TRIO: variants seen among roughly 807,000 people sequenced by gnomAD.
The protein encoded by TRIO is triple functional domain protein.
In TRIO, 58 loss-of-function variants were observed where a neutral mutation model predicts 351.9. That is an observed-to-expected ratio of 0.16 (90% CI 0.13 to 0.21). The LOEUF (loss-of-function observed/expected upper bound fraction) is 0.21, where lower values mean the gene tolerates loss of function less well. Among genes scored for constraint, TRIO ranks in the 10% least tolerant of loss-of-function variants. The pLI is 1.00. For missense variants in TRIO, 3,201 were observed against 4,027.8 expected (o/e 0.79, Z 5.56); for synonymous variants, 1,758 against 1,595.7 (o/e 1.10, Z -2.42).
chr5:14,424,039 T>G (rs185504976), intron 34 of TRIO, among the ~76,000 whole-genome samples: 104 of 149,898 alleles, frequency 6.9e-4, no homozygotes, highest in African/African-American at 2.5e-3. Flanking sequence ...TGAGACCTCA[T>G]CTCTAAAAAA....
intron 11 of TRIO, among the ~76,000 whole-genome samples, chr5:14,351,492 C>T (rs1268476216): frequency 6.6e-6 from 1 of 152,142 alleles, no homozygotes; most frequent in Non-Finnish European, 1.5e-5. Context: ...CCACAAGTAC[C>T]CAGATGATTG....
At position 14,364,636 on chromosome 5, in the gene TRIO, T is replaced by C; in HGVS notation, c.2588-14T>C. ...TGCTAGCTGAATTCTAGGGTCTCCCTTTAATGTCCACAGGTGTGGAGCTGC... is the reference window on the plus strand; with the variant it reads ...TGCTAGCTGAATTCTAGGGTCTCCCCTTAATGTCCACAGGTGTGGAGCTGC... On this transcript the variant is annotated splice_polypyrimidine_tract_variant and intron_variant, in intron 14 of 56. Coordinates refer to ENST00000344204, the MANE Select transcript of TRIO (RefSeq NM_007118.4). The C allele has an allele frequency of 6.2e-7, 1 of 1,604,590 alleles. No individual in the cohort carries two copies. The highest frequency in any genetic ancestry group is 1.3e-5 in the African/African-American group (1 of 74,526).
intron 1 of TRIO, among the ~76,000 whole-genome samples, chr5:14,144,901 A>AGGAGGCGGC (rs1205292238): frequency 6.7e-6 from 1 of 150,042 alleles, no homozygotes; most frequent in Non-Finnish European, 1.5e-5. Context: ...CAGGAGGAGG[A>AGGAGGCGGC]GGAGGCGGCG....
chr5:14,390,461 TG>T (rs1746968535), intron 26 of TRIO, 161 bp downstream of exon 26: 6 of 672,000 alleles, frequency 8.9e-6, no homozygotes, highest in East Asian at 8.3e-5. Flanking sequence ...TTCAACTAAT[TG>T]TTTTTGTGGA....
At chr5:14,298,553 G>T (rs1260901715) in intron 7 of TRIO, among the ~76,000 whole-genome samples, 2 of 152,206 alleles carry the variant, frequency 1.3e-5, no homozygotes, top group Middle Eastern at 3.2e-3. Context: ...TCTAGAAACA[G>T]TCTCTGTTGA....
At position 14,498,125 on chromosome 5, in the gene TRIO, C is replaced by CAGGGGAGTGTGA; in HGVS notation, c.8084_8085insAGGGGAGTGTGA (p.Thr2695_Cys2696insGlyGluCysGlu). ...TTCGTCATTCCATTGAGTGAGGTCACGTGTGAGACAGGGGAGACCGTTGTT... is the reference window on the plus strand; with the variant it reads ...TTCGTCATTCCATTGAGTGAGGTCACAGGGGAGTGTGAGTGTGAGACAGGGGAGACCGTTGTT... On this transcript the variant is annotated inframe_insertion, in exon 52 of 57. Coordinates refer to ENST00000344204, the MANE Select transcript of TRIO (RefSeq NM_007118.4). 1 of 1,614,184 alleles carries CAGGGGAGTGTGA rather than the reference C, an allele frequency of 6.2e-7. No homozygotes were observed. Among genetic ancestry groups the CAGGGGAGTGTGA allele is most frequent in the Non-Finnish European group, 8.5e-7 (1 of 1,180,038 alleles).
At chr5:14,480,417 C>T (rs1363840113) in intron 43 of TRIO, among the ~76,000 whole-genome samples, 1 of 152,154 alleles carries the variant, frequency 6.6e-6, no homozygotes, top group Non-Finnish European at 1.5e-5. Flanking sequence ...CCACCACAGA[C>T]CTTGGAATGC....
rs1156935750 is a variant in TRIO at position 14,359,676 on chromosome 5, G to A, written c.2391+145G>A. ...TCTGCACCAGGAGGGGGTGTGGGAG[G>A]GAGAGAGGGTCCCTGGAGGCTGGAA... is the stretch of plus-strand genomic sequence containing the variant. On this transcript the variant is annotated intron_variant, in intron 13 of 56. Transcript: ENST00000344204. The A allele has an allele frequency of 4.0e-6, 4 of 1,002,004 alleles. No individual in the cohort carries two copies. In the African/African-American group the frequency reaches 4.9e-5, roughly 12 times the overall value. 62.1% of individuals were successfully genotyped at this position (1,002,004 alleles called of 1,614,324 possible). A position where few individuals can be genotyped will look rare whatever the true frequency, so the allele number is the denominator to read the frequency against.
chr5:14,377,433 A>G (rs1198380174), intron 19 of TRIO, among the ~76,000 whole-genome samples: 1 of 151,898 alleles, frequency 6.6e-6, no homozygotes, highest in Non-Finnish European at 1.5e-5. Context: ...TTTAGTAGAG[A>G]CAGAGTTTCG....
At chr5:14,439,415 T>C (rs998176823) in intron 34 of TRIO, among the ~76,000 whole-genome samples, 7 of 152,230 alleles carry the variant, frequency 4.6e-5, no homozygotes, top group African/African-American at 1.7e-4. Flanking sequence ...TTTTCTTTCA[T>C]AGAGAACTTA....
chr5:14,489,230 T>C, intron 48 of TRIO: 1 of 547,880 alleles, frequency 1.8e-6, no homozygotes, highest in East Asian at 2.9e-5. Context: ...CCTTAATTGG[T>C]TTGACTTGGT....
chr5:14,487,507 C>CGGG lies in TRIO; in HGVS notation c.6881_6882insGGG (p.Gly2298dup), dbSNP rs1756019916. On this transcript the variant is annotated inframe_insertion, in exon 48 of 57. Coordinates refer to ENST00000344204, the MANE Select transcript of TRIO (RefSeq NM_007118.4). The stretch of plus-strand genomic sequence containing the variant: ...AGTACCAGAGGAACCACAGCGGGGG[C>CGGG]GGCGGCGGCGGCGGCAGCGGGGGCA... The CGGG allele has an allele frequency of 3.3e-6, 3 of 916,886 alleles. No homozygotes were observed. The highest frequency in any genetic ancestry group is 1.8e-5 in the African/African-American group (1 of 55,516). 56.8% of individuals were successfully genotyped at this position (916,886 alleles called of 1,614,324 possible).
At chr5:14,196,061 AAATC>A (rs1432647983) in intron 1 of TRIO, among the ~76,000 whole-genome samples, 1 of 152,156 alleles carries the variant, frequency 6.6e-6, no homozygotes, top group Non-Finnish European at 1.5e-5. Flanking sequence ...TTCTGGAAAA[AAATC>A]AGCCATCTAG....
At chr5:14,194,050 C>T (rs974514917) in intron 1 of TRIO, among the ~76,000 whole-genome samples, 3 of 152,178 alleles carry the variant, frequency 2.0e-5, no homozygotes, top group African/African-American at 7.2e-5. Context: ...ACCCTCCATG[C>T]AGTGAGTCTT....
chr5:14,492,505 T>C lies in TRIO; in HGVS notation c.7633-62T>C, dbSNP rs766652319. 11 of 1,583,796 alleles carry C rather than the reference T, an allele frequency of 6.9e-6. 1 individual carries two copies. The South Asian group carries it at 1.2e-4, about 17-fold the overall frequency. Reference sequence around the variant, plus strand: ...TGGGGCACACTGACAAGGGATTTCATGTGATCAGGTCTCGTTTCAGTTCCT... The same window carrying C: ...TGGGGCACACTGACAAGGGATTTCACGTGATCAGGTCTCGTTTCAGTTCCT... On this transcript the variant is annotated intron_variant, in intron 48 of 56. Coordinates refer to ENST00000344204, the MANE Select transcript of TRIO (RefSeq NM_007118.4).
At chr5:14,443,646 T>C (rs892950689) in intron 34 of TRIO, among the ~76,000 whole-genome samples, 3 of 152,244 alleles carry the variant, frequency 2.0e-5, no homozygotes, top group African/African-American at 7.2e-5. Flanking sequence ...TCCTGCTTCC[T>C]GAAGTTCATT....
At chr5:14,396,627 G>T (rs766401369) in intron 28 of TRIO, among the ~76,000 whole-genome samples, 5 of 150,748 alleles carry the variant, frequency 3.3e-5, no homozygotes, top group Non-Finnish European at 7.4e-5. Flanking sequence ...ATGCCACCAT[G>T]CCCAGCTAAT....
intron 1 of TRIO, among the ~76,000 whole-genome samples, chr5:14,175,202 A>G (rs1398707240): frequency 6.6e-6 from 1 of 152,186 alleles, no homozygotes; most frequent in Non-Finnish European, 1.5e-5. Flanking sequence ...TTGAGATTAC[A>G]GTTTTCTCTT....
intron 27 of TRIO, among the ~76,000 whole-genome samples, chr5:14,392,318 C>T (rs1270935247): frequency 6.6e-6 from 1 of 151,802 alleles, no homozygotes. Flanking sequence ...ATGCAGCCAA[C>T]AAACATATGA....
Sources: allele counts gnomAD v4.1 joint callset (sites outside exome capture counted in the v4.1 genomes callset), GRCh38; gene constraint gnomAD v4.1.1; transcripts MANE v1.5; gene names NCBI Gene and HGNC (gene_info 2026-07-23, HGNC 2026-07-21).